The following TDRD9 variants were observed in gnomAD, a reference collection of about 807,000 sequenced individuals.
TDRD9 encodes ATP-dependent RNA helicase TDRD9.
Under a neutral mutation model 172.6 loss-of-function variants are expected in TDRD9, and 124 were observed. The ratio of observed to expected loss-of-function variants is 0.72; its 90% CI spans 0.62 to 0.83. The LOEUF is 0.83. Among genes scored for constraint, TDRD9 ranks in the 40% least tolerant of loss-of-function variants. The pLI is 0.00. For synonymous variants in TDRD9, 619 were observed against 617.1 expected (o/e 1.00, Z -0.05); for missense variants, 1,479 against 1,714.1 (o/e 0.86, Z 2.42).
intron 1 of TDRD9, among the ~76,000 whole-genome samples, chr14:103,933,677 G>T (rs1595887827): frequency 6.6e-6 from 1 of 152,114 alleles, no homozygotes; most frequent in Admixed American, 6.6e-5. Flanking sequence ...CAAAGTGCTG[G>T]GATTACAGGT....
chr14:103,994,215 A>C, intron 9 of TDRD9, 117 bp from the exon 10 acceptor site: 1 of 841,320 alleles, frequency 1.2e-6, no homozygotes, highest in Non-Finnish European at 2.0e-6. Context: ...GAGGATAAAG[A>C]AGTCAAATAA....
intron 9 of TDRD9, among the ~76,000 whole-genome samples, chr14:103,992,747 C>T (rs2033913632): frequency 6.6e-6 from 1 of 151,774 alleles, no homozygotes; most frequent in Non-Finnish European, 1.5e-5. Context: ...CATGGTGAAA[C>T]CTCATCTTTA....
intron 2 of TDRD9, among the ~76,000 whole-genome samples, chr14:103,956,093 AAAAAAAAAAAAAAAAAAAATATAT>A (rs2032183392): frequency 4.5e-5 from 2 of 44,072 alleles, no homozygotes; most frequent in African/African-American, 9.2e-5. Context: ...AAAAAAAAAA[AAAAAAAAAAAAAAAAAAAATATAT>A]ATATATATAT....
intron 1 of TDRD9, among the ~76,000 whole-genome samples, chr14:103,952,907 A>T (rs2368985): frequency 0.94 from 143,160 of 151,584 alleles, 68,139 homozygotes; most frequent in East Asian, 1. Flanking sequence ...GTTGGGCTAA[A>T]TTTTGTATTT....
chr14:103,928,659 T>A lies in TDRD9; in HGVS notation c.150T>A (p.Ala50=). The A allele has an allele frequency of 8.0e-7, 1 of 1,244,784 alleles. No homozygotes were observed. The highest frequency in any genetic ancestry group is 1.0e-6 in the Non-Finnish European group (1 of 983,204). 77.1% of individuals were successfully genotyped at this position (1,244,784 alleles called of 1,614,324 possible). The change falls in exon 1 of 36, where the codon GCT becomes GCA. Residue 50 remains alanine, a synonymous_variant. Coordinates refer to ENST00000409874, the MANE Select transcript of TDRD9 (RefSeq NM_153046.3). ...EVQRQDVAPG[A]GPAAQAPALA... ...AGCGCCAGGACGTGGCCCCCGGCGC[T>A]GGTCCCGCGGCCCAGGCTCCGGCTC...
intron 31 of TDRD9, among the ~76,000 whole-genome samples, chr14:104,034,545 C>T (rs1004411975): frequency 6.6e-6 from 1 of 152,120 alleles, no homozygotes; most frequent in Admixed American, 6.5e-5. Context: ...CGAGGTTACG[C>T]GGTGGAGCAT....
At chr14:104,036,545 G>A (rs1405855283) in intron 32 of TDRD9, among the ~76,000 whole-genome samples, 2 of 152,116 alleles carry the variant, frequency 1.3e-5, no homozygotes, top group African/African-American at 4.8e-5. Flanking sequence ...CACTTTGGAC[G>A]CCCTGCTTGC....
chr14:104,049,710 A>C, intron 35 of TDRD9, 30 bp downstream of exon 35: 2 of 1,549,818 alleles, frequency 1.3e-6, no homozygotes, highest in Non-Finnish European at 1.7e-6. Context: ...CTACATGAGC[A>C]GAGGCCACGT....
rs758827616 is a variant in TDRD9 at position 103,955,750 on chromosome 14, T to C, written c.302T>C (p.Val101Ala). The change falls in exon 2 of 36, where the codon GTC becomes GCC. Residue 101 changes from valine (V) to alanine (A), a missense_variant. This residue lies in a region of TDRD9 where 1,413 missense variants were observed against 1,649.1 expected (regional missense o/e 0.86). Coordinates refer to ENST00000409874, the MANE Select transcript of TDRD9 (RefSeq NM_153046.3). ...CAAGAGCTTGATGTGTGTCGCAGTGTCCAACCAACCAGTGGGCCAGGTAAA... is the reference window on the plus strand; with the variant it reads ...CAAGAGCTTGATGTGTGTCGCAGTGCCCAACCAACCAGTGGGCCAGGTAAA... ...EAQELDVCRSVQPTSGPGPRP... is the reference protein window; with the variant it reads ...EAQELDVCRSAQPTSGPGPRP... 6.4e-7 allele frequency: 1 copy of C among 1,551,212 alleles called. No homozygotes were observed. The highest frequency in any genetic ancestry group is 1.2e-5 in the South Asian group (1 of 84,026).
At chr14:104,046,123 A>C (rs541208063) in intron 34 of TDRD9, among the ~76,000 whole-genome samples, 208 of 152,116 alleles carry the variant, frequency 1.4e-3, no homozygotes, top group African/African-American at 4.6e-3. Context: ...AGCCCAGCTG[A>C]TTTTTGTATT....
At chr14:104,004,197 T>C (rs1205743842) in intron 13 of TDRD9, 41 bp from the exon 14 acceptor site, 1 of 999,078 alleles carries the variant, frequency 1.0e-6, no homozygotes, top group Non-Finnish European at 1.6e-6. Flanking sequence ...GATGTTAAAG[T>C]AATTAATGCC....
intron 7 of TDRD9, among the ~76,000 whole-genome samples, chr14:103,978,351 T>A (rs2033339433): frequency 6.6e-6 from 1 of 152,138 alleles, no homozygotes; most frequent in Non-Finnish European, 1.5e-5. Flanking sequence ...GAGGCCAAGG[T>A]GGGCCGATCA....
intron 7 of TDRD9, among the ~76,000 whole-genome samples, chr14:103,982,358 T>TC (rs2033505914): frequency 6.6e-6 from 1 of 152,178 alleles, no homozygotes; most frequent in Admixed American, 6.6e-5. Context: ...CAGGGTGGTG[T>TC]CCCCTGTTGC....
Position 103,938,440 on chromosome 14 carries a change from A to ATTTT in TDRD9, c.215+9729_215+9732dup, listed in dbSNP as rs71126087. On this transcript the variant is annotated intron_variant, in intron 1 of 35. Transcript: ENST00000409874. ...TATATATATATATATATATATATATATTTTTTTTTTTTTTTTGAGATGGTG... is the reference window on the plus strand; with the variant it reads ...TATATATATATATATATATATATATATTTTTTTTTTTTTTTTTTTTGAGATGGTG... Among the ~76,000 whole-genome samples the ATTTT allele has an allele frequency of 7.6e-4, 34 of 44,526 alleles. 2 individuals carry two copies. The highest frequency in any genetic ancestry group is 2.7e-3 in the African/African-American group (29 of 10,864). 29.2% of individuals were successfully genotyped at this position (44,526 alleles called of 152,430 possible). A position where few individuals can be genotyped will look rare whatever the true frequency, so the allele number is the denominator to read the frequency against.
intron 6 of TDRD9, among the ~76,000 whole-genome samples, chr14:103,974,273 G>A (rs1220355443): frequency 2.0e-5 from 3 of 152,190 alleles, no homozygotes; most frequent in African/African-American, 7.2e-5. Flanking sequence ...ACAGTAGGTG[G>A]TGAGCAGCCA....
intron 10 of TDRD9, 34 bp downstream of exon 10, chr14:103,994,420 A>C (rs2152202389): frequency 1.2e-6 from 2 of 1,608,768 alleles, no homozygotes; most frequent in Non-Finnish European, 1.7e-6. Flanking sequence ...TATTCTTCTA[A>C]GCCATTGCAT....
intron 32 of TDRD9, 134 bp downstream of exon 32, chr14:104,035,190 T>C (rs1596016731): frequency 1.5e-6 from 1 of 650,180 alleles, no homozygotes; most frequent in Non-Finnish European, 2.7e-6. Flanking sequence ...CTGCTTGGGG[T>C]GAAGCCTGTA....
chr14:104,005,572 C>T (rs2034411165), intron 15 of TDRD9, among the ~76,000 whole-genome samples, 167 bp downstream of exon 15: 2 of 151,200 alleles, frequency 1.3e-5, no homozygotes, highest in South Asian at 4.1e-4. Context: ...TTCCTCCTGC[C>T]TCACTTTCCC....
Position 103,995,158 on chromosome 14 carries a change from T to C in TDRD9, c.1320+555T>C, listed in dbSNP as rs2034013358. Among the ~76,000 whole-genome samples, 5 of 152,338 alleles carry C rather than the reference T, an allele frequency of 3.3e-5. No individual in the cohort carries two copies. The South Asian group carries it at 1.0e-3, about 32-fold the overall frequency. On this transcript the variant is annotated intron_variant, in intron 11 of 35. Transcript: ENST00000409874. The stretch of plus-strand genomic sequence containing the variant: ...CCTTTTAATTCTTCTTTAGCATTTC[T>C]TTAACTTTGGGACTGTTCTCGTGTC...
Sources: gnomAD v4.1 joint callset for allele counts (sites outside exome capture counted in the v4.1 genomes callset) on GRCh38, gnomAD v4.1.1 for gene constraint, gnomAD v4.1.1 regional missense constraint, MANE v1.5 for transcripts, NCBI Gene and HGNC (gene_info 2026-07-23, HGNC 2026-07-21) for gene names.